The following STXBP5L variants were observed in gnomAD, a reference collection of about 807,000 sequenced individuals.
STXBP5L encodes syntaxin-binding protein 5-like.
A neutral mutation model predicts 144.5 loss-of-function variants in STXBP5L; 65 were observed. That is an observed-to-expected ratio of 0.45 (90% CI 0.37 to 0.55). The LOEUF is 0.55. Ranked by LOEUF, STXBP5L falls within the 20% of genes least tolerant of loss-of-function variation. The pLI is 0.00. For missense variants in STXBP5L, 1,298 were observed against 1,405.5 expected (o/e 0.92, Z 1.22); for synonymous variants, 505 against 469.6 (o/e 1.08, Z -0.97).
rs141197175 is a variant in STXBP5L at position 120,920,022 on chromosome 3, T to A, written c.189+10255T>A. Among the ~76,000 whole-genome samples, 1,330 of 151,948 alleles carry A rather than the reference T, an allele frequency of 8.8e-3. 9 individuals are homozygous for A. The highest frequency in any genetic ancestry group is 0.014 in the Non-Finnish European group (970 of 67,760). Reference sequence around the variant, plus strand: ...TAGCCTATGTTAATTTCCATTTATATCTTCTTGGCTAAAAGCTGCTTTATT... The same window carrying A: ...TAGCCTATGTTAATTTCCATTTATAACTTCTTGGCTAAAAGCTGCTTTATT... On this transcript the variant is annotated intron_variant, in intron 2 of 26. Coordinates refer to ENST00000471454, the MANE Select transcript of STXBP5L (RefSeq NM_001308330.2).
In STXBP5L at chr3:121,052,444, C is replaced by A. The variant is rs563536940; in HGVS notation, c.470+6909C>A. ...TGGGATGGAAGGCTGGTTCAATATA[C>A]GCAAATCAATAAATGTAATCCAGCA... On this transcript the variant is annotated intron_variant, in intron 5 of 26. Coordinates refer to ENST00000471454, the MANE Select transcript of STXBP5L (RefSeq NM_001308330.2). Among the ~76,000 whole-genome samples, 3 of 152,082 alleles carry A rather than the reference C, an allele frequency of 2.0e-5. No homozygotes were observed. The South Asian group carries it at 6.2e-4, about 32-fold the overall frequency.
Position 121,267,093 on chromosome 3 carries a change from G to A in STXBP5L, c.1958+7925G>A, listed in dbSNP as rs1409373659. On this transcript the variant is annotated intron_variant, in intron 18 of 26. Coordinates refer to ENST00000471454, the MANE Select transcript of STXBP5L (RefSeq NM_001308330.2). ...TTCATATGGAACCAAAAGAGAGCCCGTATAGTTAAGATAATCCTAAGCAAA... is the reference window on the plus strand; with the variant it reads ...TTCATATGGAACCAAAAGAGAGCCCATATAGTTAAGATAATCCTAAGCAAA... Among the ~76,000 whole-genome samples, 3 of 152,126 alleles carry A rather than the reference G, an allele frequency of 2.0e-5. No homozygotes were observed. In the East Asian group the frequency reaches 5.8e-4, roughly 29 times the overall value.
At chr3:121,234,428 A>G (rs1286812802) in intron 12 of STXBP5L, among the ~76,000 whole-genome samples, 1 of 152,092 alleles carries the variant, frequency 6.6e-6, no homozygotes, top group Non-Finnish European at 1.5e-5. Context: ...TTCATTATCT[A>G]TATAATTTGG....
intron 7 of STXBP5L, among the ~76,000 whole-genome samples, chr3:121,144,190 T>A (rs1477964674): frequency 6.6e-6 from 1 of 150,960 alleles, no homozygotes; most frequent in East Asian, 1.9e-4. Context: ...TGGGCTTAAG[T>A]CTTAAATAGA....
rs2045968397 is a variant in STXBP5L, at chr3:121,152,563, A to G, written c.753+3A>G. ...AACTGAGAGTTTATTATGATGAGGT[A>G]AGTGATTTCTACCGACATGTTTGAA... On this transcript the variant is annotated splice_donor_region_variant and intron_variant, in intron 8 of 26. Coordinates refer to ENST00000471454, the MANE Select transcript of STXBP5L (RefSeq NM_001308330.2). 6.3e-7 allele frequency: 1 copy of G among 1,590,970 alleles called. No individual in the cohort carries two copies. The highest frequency in any genetic ancestry group is 1.8e-5 in the Admixed American group (1 of 57,056).
rs2045662025 is a variant in STXBP5L, at chr3:121,360,038, A to G, written c.2177-18678A>G. Among the ~76,000 whole-genome samples, 3 of 145,038 alleles carry G rather than the reference A, an allele frequency of 2.1e-5. 1 individual carries two copies. In the South Asian group the frequency reaches 6.3e-4, roughly 30 times the overall value. On this transcript the variant is annotated intron_variant, in intron 20 of 26. Transcript: ENST00000471454. ...ATAATATATATATTATTACTATATAATATAATATATAGTAATAATATATAT... is the reference window on the plus strand; with the variant it reads ...ATAATATATATATTATTACTATATAGTATAATATATAGTAATAATATATAT...
At chr3:121,085,787 T>C (rs1288507547) in intron 5 of STXBP5L, among the ~76,000 whole-genome samples, 1 of 152,218 alleles carries the variant, frequency 6.6e-6, no homozygotes, top group Non-Finnish European at 1.5e-5. Context: ...CCCATTAAAC[T>C]ATTATTGACA....
At chr3:120,982,555 A>G (rs939174047) in intron 3 of STXBP5L, among the ~76,000 whole-genome samples, 7 of 152,168 alleles carry the variant, frequency 4.6e-5, no homozygotes, top group African/African-American at 1.7e-4. Context: ...CCTCCAGGCC[A>G]CAGTGTAACT....
chr3:121,005,060 C>T (rs1275669350), intron 3 of STXBP5L, among the ~76,000 whole-genome samples: 1 of 152,112 alleles, frequency 6.6e-6, no homozygotes, highest in Non-Finnish European at 1.5e-5. Context: ...ATAATGCTGG[C>T]TTCATAAAAT....
intron 7 of STXBP5L, among the ~76,000 whole-genome samples, chr3:121,144,010 T>G (rs2045615176): frequency 6.6e-6 from 1 of 151,714 alleles, no homozygotes; most frequent in Non-Finnish European, 1.5e-5. Context: ...CTAAAAAGCT[T>G]CTGCATAGCA....
intron 3 of STXBP5L, among the ~76,000 whole-genome samples, chr3:121,024,656 T>C (rs1417462474): frequency 1.3e-5 from 2 of 152,166 alleles, no homozygotes; most frequent in African/African-American, 4.8e-5. Flanking sequence ...CATTCTACCA[T>C]TAATGTCATT....
intron 22 of STXBP5L, among the ~76,000 whole-genome samples, chr3:121,399,135 A>T (rs1044683784): frequency 3.3e-5 from 5 of 152,092 alleles, no homozygotes; most frequent in Non-Finnish European, 7.4e-5. Flanking sequence ...CCTCTTCTGT[A>T]CTTCATTATA....
chr3:121,004,484 T>G (rs996798858), intron 3 of STXBP5L, among the ~76,000 whole-genome samples: 2 of 151,866 alleles, frequency 1.3e-5, no homozygotes, highest in African/African-American at 4.8e-5. Flanking sequence ...TATACAATCA[T>G]GTCGTCTGCA....
At chr3:121,219,168 C>T (rs1255787336) in intron 10 of STXBP5L, among the ~76,000 whole-genome samples, 2 of 152,078 alleles carry the variant, frequency 1.3e-5, no homozygotes, top group Admixed American at 1.3e-4. Context: ...TACTTTATTA[C>T]CTCTGGAGCT....
intron 9 of STXBP5L, among the ~76,000 whole-genome samples, chr3:121,196,580 T>C (rs1317846443): frequency 6.6e-6 from 1 of 152,182 alleles, no homozygotes; most frequent in Non-Finnish European, 1.5e-5. Flanking sequence ...TTTCCTTTTT[T>C]CTGTTTGCTT....
At chr3:121,374,005 C>T (rs1404422789) in intron 20 of STXBP5L, among the ~76,000 whole-genome samples, 1 of 152,184 alleles carries the variant, frequency 6.6e-6, no homozygotes, top group Non-Finnish European at 1.5e-5. Flanking sequence ...CCCATACTAC[C>T]ACCACTGACA....
intron 7 of STXBP5L, among the ~76,000 whole-genome samples, chr3:121,132,823 G>T (rs1449007580): frequency 6.6e-6 from 1 of 151,662 alleles, no homozygotes; most frequent in Non-Finnish European, 1.5e-5. Context: ...TGGAGCTGAA[G>T]AACACAATAA....
chr3:121,043,930 G>A (rs1005521961), intron 4 of STXBP5L, among the ~76,000 whole-genome samples: 3 of 152,080 alleles, frequency 2.0e-5, no homozygotes, highest in Non-Finnish European at 2.9e-5. Flanking sequence ...ACCTCTCTGA[G>A]AAATGAGACC....
chr3:121,213,736 T>A (rs2048670712), intron 10 of STXBP5L, among the ~76,000 whole-genome samples: 1 of 152,162 alleles, frequency 6.6e-6, no homozygotes, highest in Non-Finnish European at 1.5e-5. Flanking sequence ...ATAAAAAGAG[T>A]TAGGGAGGAG....
Sources: gnomAD v4.1 joint callset for allele counts (sites outside exome capture counted in the v4.1 genomes callset) on GRCh38, gnomAD v4.1.1 for gene constraint, MANE v1.5 for transcripts, NCBI Gene and HGNC (gene_info 2026-07-23, HGNC 2026-07-21) for gene names.